Variants in CRACR2A observed in about 807,000 individuals in gnomAD.
CRACR2A encodes the protein EF-hand calcium-binding domain-containing protein 4B.
Under a neutral mutation model 90.5 loss-of-function variants are expected in CRACR2A, and 79 were observed. That is an observed-to-expected ratio of 0.87 (90% CI 0.73 to 1.05). The LOEUF (loss-of-function observed/expected upper bound fraction) is 1.05, where lower values mean the gene tolerates loss of function less well. Ranked by LOEUF, CRACR2A falls within the 50% of genes least tolerant of loss-of-function variation. The pLI is 0.00. For synonymous variants in CRACR2A, 338 were observed against 356.7 expected, an observed-to-expected ratio of 0.95 and a Z score of 0.59; for missense variants, 823 against 897.2, an observed-to-expected ratio of 0.92 and a Z score of 1.06.
chr12:3,736,161 G>C lies in CRACR2A; in HGVS notation c.-386-2951C>G, dbSNP rs532864813. ...TAGATGGGGAAGAAGATGGAAGGAG[G>C]GGGGCCAGGTAAGAGGCTGATGCTA... On this transcript the variant is annotated intron_variant, in intron 1 of 19. Transcript: ENST00000440314. Among the ~76,000 whole-genome samples, 5 of 152,094 alleles carry C rather than the reference G, an allele frequency of 3.3e-5. No homozygotes were observed. In the East Asian group the frequency reaches 9.7e-4, roughly 29 times the overall value.
chr12:3,637,063 A>T (rs1331935979), intron 14 of CRACR2A, among the ~76,000 whole-genome samples: 1 of 152,202 alleles, frequency 6.6e-6, no homozygotes, highest in Non-Finnish European at 1.5e-5. Context: ...GGCAAAGAGC[A>T]TCTATCACCA....
At chr12:3,747,998 A>G (rs374770269) in intron 1 of CRACR2A, among the ~76,000 whole-genome samples, 4 of 146,036 alleles carry the variant, frequency 2.7e-5, no homozygotes, top group Admixed American at 6.7e-5. Flanking sequence ...GCTCAGGGGT[A>G]CACCCAGAAG....
intron 7 of CRACR2A, among the ~76,000 whole-genome samples, chr12:3,660,887 C>T (rs1037452511): frequency 8.4e-6 from 1 of 118,870 alleles, no homozygotes; most frequent in Non-Finnish European, 1.7e-5. Flanking sequence ...CACACACACA[C>T]AATTTTGGCC....
intron 7 of CRACR2A, among the ~76,000 whole-genome samples, chr12:3,664,867 T>TGTG (rs2137529681): frequency 6.6e-6 from 1 of 152,242 alleles, no homozygotes; most frequent in Admixed American, 6.5e-5. Context: ...AGTAGCCAGG[T>TGTG]GTGGTGGTAC....
Position 3,678,899 on chromosome 12 carries a change from C to G in CRACR2A, c.524+16G>C, listed in dbSNP as rs1429393556. The G allele has an allele frequency of 6.3e-7, 1 of 1,588,176 alleles. No homozygotes were observed. Among genetic ancestry groups the G allele is most frequent in the Non-Finnish European group, 8.6e-7 (1 of 1,168,958 alleles). On this transcript the variant is annotated intron_variant, in intron 6 of 19. Coordinates refer to ENST00000440314, the MANE Select transcript of CRACR2A (RefSeq NM_001144958.2). The stretch of plus-strand genomic sequence containing the variant: ...CCAGGCTGGTCTCCGTTCTACAAAT[C>G]ACTGTCACCACTTACTCTTCCAACA...
chr12:3,678,404 G>A (rs889519758), intron 6 of CRACR2A, among the ~76,000 whole-genome samples: 11 of 152,258 alleles, frequency 7.2e-5, no homozygotes, highest in East Asian at 3.9e-4. Context: ...CGAGGATACC[G>A]TGTGCAAATG....
intron 17 of CRACR2A, among the ~76,000 whole-genome samples, chr12:3,622,879 C>A (rs1260886939): frequency 6.6e-6 from 1 of 152,148 alleles, no homozygotes; most frequent in Non-Finnish European, 1.5e-5. Context: ...AAACTGCCAG[C>A]ACTTCAAGCT....
intron 2 of CRACR2A, chr12:3,730,437 A>G (rs1010102774): frequency 6.6e-6 from 1 of 152,230 alleles, no homozygotes; most frequent in Non-Finnish European, 1.5e-5. Flanking sequence ...AGTTCTGTTG[A>G]TTATTCAAAG....
At chr12:3,718,120 AGAT>A (rs1488668864) in intron 2 of CRACR2A, among the ~76,000 whole-genome samples, 1 of 152,236 alleles carries the variant, frequency 6.6e-6, no homozygotes, top group African/African-American at 2.4e-5. Flanking sequence ...GTTTTTGTGA[AGAT>A]GATAAGATAC....
rs1438312824 is a variant in CRACR2A, at chr12:3,633,678, G to A, written c.1661C>T (p.Ser554Phe). ...RLFKIVFVGN[S>F]AVGKTSFLRR... ...CAGGAAGGATGTCTTCCCCACCGCG[G>A]AATTGCCCACGAACACAATCTTGAA... The change falls in exon 15 of 20, where the codon TCC (serine) becomes TTC (phenylalanine). Residue 554 changes from serine to phenylalanine, a missense_variant. Transcript: ENST00000440314. The surrounding 1 kb of genome is among the most constrained non-coding windows in gnomAD (Gnocchi z 4.5). The A allele has an allele frequency of 1.6e-5, 25 of 1,551,642 alleles. No individual in the cohort carries two copies. The highest frequency in any genetic ancestry group is 7.8e-5 in the Admixed American group (4 of 50,982).
intron 18 of CRACR2A, 86 bp from the exon 19 acceptor site, chr12:3,617,116 A>T (rs1591629456): frequency 2.1e-6 from 2 of 963,212 alleles, no homozygotes; most frequent in African/African-American, 1.6e-5. Flanking sequence ...TTGTGCATCT[A>T]CCTACAGCCT....
intron 6 of CRACR2A, among the ~76,000 whole-genome samples, chr12:3,674,844 T>C (rs1324628760): frequency 3.9e-5 from 6 of 152,224 alleles, no homozygotes; most frequent in Non-Finnish European, 8.8e-5. Context: ...GTTACTTAAA[T>C]ATTCACTCTG....
chr12:3,639,336 C>T (rs1371753718), intron 13 of CRACR2A, among the ~76,000 whole-genome samples: 5 of 151,958 alleles, frequency 3.3e-5, no homozygotes, highest in East Asian at 1.9e-4. Flanking sequence ...TGCAGGGAAT[C>T]GGGGAACTGG....
intron 11 of CRACR2A, among the ~76,000 whole-genome samples, chr12:3,645,096 C>T (rs977984233): frequency 6.6e-6 from 1 of 152,202 alleles, no homozygotes; most frequent in African/African-American, 2.4e-5. Context: ...CAAGGTCACA[C>T]CAATGACCAA....
In CRACR2A at chr12:3,696,808, A is replaced by G; in HGVS notation, c.192T>C (p.Ala64=). ...KAQEFFQTCD[A]EGKGFIARKD... is the part of the protein sequence containing the mutation. ...TCCTGGCGATGAAGCCCTTGCCTTC[A>G]GCATCACAGGTCTGAAAGAACTCCT... Residue 64 remains alanine (A), a synonymous_variant, in exon 4 of 20, where the codon GCT becomes GCC. Coordinates refer to ENST00000440314, the MANE Select transcript of CRACR2A (RefSeq NM_001144958.2). The G allele has an allele frequency of 3.1e-6, 5 of 1,614,216 alleles. No homozygotes were observed. Among genetic ancestry groups the G allele is most frequent in the African/African-American group, 1.3e-5 (1 of 75,052 alleles).
In CRACR2A at chr12:3,633,368, G is replaced by A. The variant is rs1289926790; in HGVS notation, c.1735+236C>T. On this transcript the variant is annotated intron_variant, in intron 15 of 19. Coordinates refer to ENST00000440314, the MANE Select transcript of CRACR2A (RefSeq NM_001144958.2). The surrounding 1 kb of genome is among the most constrained non-coding windows in gnomAD (Gnocchi z 4.5). ...ATAAACCCAAGGTTGGACTTACAAA[G>A]TACTCAGGGGTCCCATCACACACAG... Among the ~76,000 whole-genome samples, 3 of 152,166 alleles carry A rather than the reference G, an allele frequency of 2.0e-5. No individual in the cohort carries two copies. The highest frequency in any genetic ancestry group is 1.3e-4 in the Admixed American group (2 of 15,288).
intron 11 of CRACR2A, among the ~76,000 whole-genome samples, chr12:3,646,460 AAG>A (rs992713229): frequency 1.5e-4 from 23 of 152,308 alleles, no homozygotes; most frequent in Admixed American, 1.2e-3. Flanking sequence ...AAACTATAGA[AAG>A]AGATTTTAGG....
chr12:3,706,848 C>G (rs1945931928), intron 3 of CRACR2A, among the ~76,000 whole-genome samples: 1 of 152,234 alleles, frequency 6.6e-6, no homozygotes, highest in South Asian at 2.1e-4. Flanking sequence ...AAGTGGTCCA[C>G]CTGCCTCAGC....
In CRACR2A at chr12:3,644,859, G is replaced by C. The variant is rs138304449; in HGVS notation, c.1119-219C>G. ...TGTGGGGGATAGACTGAATGCCCTT[G>C]AGACACCCGTGGCCCATCAGGATTA... is the stretch of plus-strand genomic sequence containing the variant. On this transcript the variant is annotated intron_variant, in intron 11 of 19. Transcript: ENST00000440314. Among the ~76,000 whole-genome samples, 89 of 152,276 alleles carry C rather than the reference G, an allele frequency of 5.8e-4. 2 individuals carry two copies. Among genetic ancestry groups the C allele is most frequent in the African/African-American group, 2.1e-3 (86 of 41,574 alleles).
Sources: allele counts gnomAD v4.1 joint callset (sites outside exome capture counted in the v4.1 genomes callset), GRCh38; gene constraint gnomAD v4.1.1; non-coding constraint Gnocchi (gnomAD v3.1); transcripts MANE v1.5; gene names NCBI Gene and HGNC (gene_info 2026-07-23, HGNC 2026-07-21).